The following PRPF3 variants were observed in gnomAD, a reference collection of about 807,000 sequenced individuals.
PRPF3 encodes the protein pre-mRNA processing factor 3, also known as U4/U6 small nuclear ribonucleoprotein Prp3.
In PRPF3, 3 loss-of-function variants were observed where a neutral mutation model predicts 89.2. The observed-to-expected ratio is 0.03, with a 90% CI of 0.02 to 0.09. The LOEUF (loss-of-function observed/expected upper bound fraction) is 0.09, where lower values mean the gene tolerates loss of function less well. Among genes scored for constraint, PRPF3 ranks in the 10% least tolerant of loss-of-function variants. The pLI is 1.00. For missense variants in PRPF3, 463 were observed against 828.8 expected, an observed-to-expected ratio of 0.56 and a Z score of 5.42; for synonymous variants, 270 against 289.1, an observed-to-expected ratio of 0.93 and a Z score of 0.67.
In PRPF3 at chr1:150,344,270, C is replaced by T. The variant is rs1553872251; in HGVS notation, c.1526+9C>T. ...ATGGCAAAAAGACAGAAGTAAGTGC[C>T]ATGGGATTGGGTGGAAACCTCGGGC... On this transcript the variant is annotated intron_variant, in intron 11 of 15. Transcript: ENST00000324862. 6.2e-7 allele frequency: 1 copy of T among 1,614,052 alleles called. No individual in the cohort carries two copies. Among genetic ancestry groups the T allele is most frequent in the East Asian group, 2.2e-5 (1 of 44,880 alleles).
At position 150,328,400 on chromosome 1, in the gene PRPF3, G is replaced by A; in HGVS notation, c.357G>A (p.Val119=). The change falls in exon 4 of 16, where the codon GTG becomes GTA. Residue 119 remains valine, a synonymous_variant. Transcript: ENST00000324862. The part of the protein sequence containing the change: ...KKRRIPRFEE[V]EEEPEVIPGP... ...GACGAATACCCCGTTTTGAGGAGGT[G>A]GAAGAAGAGCCAGAGGTGATCCCTG... 6.2e-7 allele frequency: 1 copy of A among 1,614,050 alleles called. No homozygotes were observed. The highest frequency in any genetic ancestry group is 8.5e-7 in the Non-Finnish European group (1 of 1,180,040).
Position 150,334,986 on chromosome 1 carries a change from G to A in PRPF3, c.780G>A (p.Glu260=), listed in dbSNP as rs80201355. The A allele has an allele frequency of 2.5e-4, 398 of 1,614,112 alleles. No individual in the cohort carries two copies. The highest frequency in any genetic ancestry group is 9.9e-4 in the Middle Eastern group (6 of 6,062). ...QTKPTPLILD[E]QGRTVDATGK... Reference sequence around the variant, plus strand: ...AACCTACACCACTGATCCTGGATGAGCAAGGGCGCACTGTAGATGCAACAG... The same window carrying A: ...AACCTACACCACTGATCCTGGATGAACAAGGGCGCACTGTAGATGCAACAG... Residue 260 remains glutamate (E), a synonymous_variant, in exon 7 of 16, where the codon GAG becomes GAA. Coordinates refer to ENST00000324862, the MANE Select transcript of PRPF3 (RefSeq NM_004698.4).
At chr1:150,332,577 A>G (rs587723006) in intron 4 of PRPF3, 107 bp from the exon 5 acceptor site, 116 of 1,107,220 alleles carry the variant, frequency 1.0e-4, no homozygotes, top group Non-Finnish European at 1.6e-4. Flanking sequence ...TAGTCATTCA[A>G]AACATTTTAA....
chr1:150,334,070 C>T (rs587652975), intron 6 of PRPF3, among the ~76,000 whole-genome samples: 19 of 152,136 alleles, frequency 1.2e-4, no homozygotes, highest in African/African-American at 3.9e-4. Context: ...TTTGGGAGGC[C>T]GAGACTGGCA....
At chr1:150,322,573 A>G (rs1449535341) in intron 1 of PRPF3, among the ~76,000 whole-genome samples, 1 of 152,210 alleles carries the variant, frequency 6.6e-6, no homozygotes, top group Non-Finnish European at 1.5e-5. Flanking sequence ...GAACCACCAT[A>G]GAATTACTCA....
chr1:150,352,760 GTCT>G (rs1190082158), intron 15 of PRPF3, 70 bp from the exon 16 acceptor site: 25 of 1,508,586 alleles, frequency 1.7e-5, no homozygotes, highest in Non-Finnish European at 1.9e-5. Flanking sequence ...ATGTTACTAG[GTCT>G]TCTTATAAAA....
chr1:150,328,211 G>T, intron 3 of PRPF3, 109 bp from the exon 4 acceptor site: 5 of 1,361,708 alleles, frequency 3.7e-6, no homozygotes, highest in Non-Finnish European at 5.2e-6. Context: ...GCAAGGTTGT[G>T]TCATATTCCC....
chr1:150,327,842 A>G (rs782357535), intron 3 of PRPF3: 2 of 171,618 alleles, frequency 1.2e-5, no homozygotes, highest in Non-Finnish European at 2.5e-5. Context: ...TGGGAAAACT[A>G]TACTAACATT....
At chr1:150,345,862 T>C (rs1658227571) in intron 12 of PRPF3, 156 bp from the exon 13 acceptor site, 1 of 737,506 alleles carries the variant, frequency 1.4e-6, no homozygotes, top group East Asian at 2.5e-5. Context: ...TCTAGACTCA[T>C]CAACTCTACC....
intron 3 of PRPF3, among the ~76,000 whole-genome samples, chr1:150,326,806 G>T (rs1159386709): frequency 3.3e-5 from 5 of 152,130 alleles, no homozygotes; most frequent in Admixed American, 6.6e-5. Flanking sequence ...GCATGTGCCT[G>T]TAATCCTAGC....
chr1:150,326,514 A>G (rs1655729314), intron 3 of PRPF3, among the ~76,000 whole-genome samples: 1 of 151,356 alleles, frequency 6.6e-6, no homozygotes, highest in South Asian at 2.1e-4. Flanking sequence ...CAAGTAGCCT[A>G]TTTTTCTACT....
In PRPF3 at chr1:150,335,211, T is replaced by G; in HGVS notation, c.1005T>G (p.Phe335Leu). 6.2e-7 allele frequency: 1 copy of G among 1,614,128 alleles called. No individual in the cohort carries two copies. Among genetic ancestry groups the G allele is most frequent in the Non-Finnish European group, 8.5e-7 (1 of 1,180,014 alleles). Reference protein sequence around the residue: ...RTFKFHDKGKFEKIAQRLRTK... With the variant: ...RTFKFHDKGKLEKIAQRLRTK... ...TTAAATTCCATGACAAGGGCAAATT[T>G]GAGAAGATTGCTCAGCGATTACGGA... The change falls in exon 7 of 16, where the codon TTT becomes TTG. Residue 335 changes from phenylalanine to leucine, a missense_variant. Coordinates refer to ENST00000324862, the MANE Select transcript of PRPF3 (RefSeq NM_004698.4).
Position 150,334,926 on chromosome 1 carries a change from A to G in PRPF3, c.729-9A>G. On this transcript the variant is annotated splice_polypyrimidine_tract_variant and intron_variant, in intron 6 of 15. Transcript: ENST00000324862. ...TACAGGATTTATTTCTTTGCGGGCT[A>G]TTTTTCAGGAAGGTGGAGTTAAAAG... 1 of 1,613,694 alleles carries G rather than the reference A, an allele frequency of 6.2e-7. No homozygotes were observed. The highest frequency in any genetic ancestry group is 8.5e-7 in the Non-Finnish European group (1 of 1,179,938).
At chr1:150,328,972 G>A (rs782306252) in intron 4 of PRPF3, among the ~76,000 whole-genome samples, 5 of 151,600 alleles carry the variant, frequency 3.3e-5, no homozygotes, top group South Asian at 2.1e-4. Flanking sequence ...GATTATAGGC[G>A]TGAGCCAGCG....
intron 7 of PRPF3, 129 bp downstream of exon 7, chr1:150,335,370 T>C: frequency 1.8e-6 from 2 of 1,113,200 alleles, no homozygotes; most frequent in Non-Finnish European, 2.6e-6. Context: ...TCAACCTTTT[T>C]GGCACCAGGG....
intron 4 of PRPF3, chr1:150,330,572 G>T (rs1417322267): frequency 3.3e-5 from 5 of 150,192 alleles, no homozygotes; most frequent in Admixed American, 3.3e-4. Flanking sequence ...AGCCAGGATG[G>T]TCTTGATCTC....
chr1:150,338,957 A>G (rs1553869094), intron 8 of PRPF3, among the ~76,000 whole-genome samples: 1 of 152,178 alleles, frequency 6.6e-6, no homozygotes, highest in Non-Finnish European at 1.5e-5. Flanking sequence ...GCCTGTTTTT[A>G]GCATTATTTT....
chr1:150,328,448 C>T lies in PRPF3; in HGVS notation c.405C>T (p.Gly135=). Residue 135 remains glycine, a synonymous_variant, in exon 4 of 16, where the codon GGC becomes GGT. Coordinates refer to ENST00000324862, the MANE Select transcript of PRPF3 (RefSeq NM_004698.4). The stretch of plus-strand genomic sequence containing the variant: ...CTGGGCCTCCATCAGAGAGCCCTGG[C>T]ATGCTGACTAAGCTCCAGGTTAGTG... ...VIPGPPSESP[G]MLTKLQIKQM... is the part of the protein sequence containing the mutation. 4 of 1,613,102 alleles carry T rather than the reference C, an allele frequency of 2.5e-6. No homozygotes were observed. The highest frequency in any genetic ancestry group is 3.4e-6 in the Non-Finnish European group (4 of 1,179,772).
Position 150,333,072 on chromosome 1 carries a change from G to C in PRPF3, c.601G>C (p.Glu201Gln), listed in dbSNP as rs782390782. The C allele has an allele frequency of 6.2e-7, 1 of 1,614,162 alleles. No homozygotes were observed. The change falls in exon 6 of 16, where the codon GAG (glutamate) becomes CAG (glutamine). Residue 201 changes from glutamate to glutamine, a missense_variant. Physicochemically the swap from Glu to Gln is conservative, Grantham distance 29. Around this residue, in one of 8 missense-constraint regions of PRPF3, gnomAD observed 4 missense variants for 34.0 expected, o/e 0.12. Transcript: ENST00000324862. The part of the protein sequence containing the change: ...QAATFMNDAI[E>Q]KARKAAELQA... ...TGCCACTTTCATGAATGATGCCATTGAGAAGGCAAGGAAAGCAGCTGAACT... is the reference window on the plus strand; with the variant it reads ...TGCCACTTTCATGAATGATGCCATTCAGAAGGCAAGGAAAGCAGCTGAACT...
Sources: gnomAD v4.1 joint callset for allele counts (sites outside exome capture counted in the v4.1 genomes callset) on GRCh38, gnomAD v4.1.1 for gene constraint, gnomAD v4.1.1 regional missense constraint, MANE v1.5 for transcripts, NCBI Gene and HGNC (gene_info 2026-07-23, HGNC 2026-07-21) for gene names.